The following PTPRT variants were observed in gnomAD, a reference collection of about 807,000 sequenced individuals.
PTPRT encodes receptor-type tyrosine-protein phosphatase T.
PTPRT carries 56 observed loss-of-function variants against 176.8 expected under a neutral mutation model. The ratio of observed to expected loss-of-function variants is 0.32; its 90% CI spans 0.26 to 0.40. The LOEUF is 0.40. Among genes scored for constraint, PTPRT ranks in the 10% least tolerant of loss-of-function variants. The pLI is 1.00. For missense variants in PTPRT, 1,540 were observed against 1,908.2 expected (o/e 0.81, Z 3.60); for synonymous variants, 783 against 739.0 (o/e 1.06, Z -0.96).
chr20:43,099,199 C>A (rs1415273544), intron 1 of PTPRT, among the ~76,000 whole-genome samples: 4 of 152,000 alleles, frequency 2.6e-5, no homozygotes, highest in Non-Finnish European at 5.9e-5. Context: ...TCCTCCTATA[C>A]CCCAGGTTCA....
chr20:42,217,263 C>G (rs1185342780), intron 15 of PTPRT, among the ~76,000 whole-genome samples: 1 of 151,848 alleles, frequency 6.6e-6, no homozygotes, highest in Non-Finnish European at 1.5e-5. Flanking sequence ...GTCCCAGCTA[C>G]TGGGGAGGCT....
chr20:42,942,824 A>G (rs1329889189), intron 1 of PTPRT, among the ~76,000 whole-genome samples: 2 of 152,236 alleles, frequency 1.3e-5, no homozygotes, highest in South Asian at 4.1e-4. Flanking sequence ...TAATACATGT[A>G]GAATATTTAG....
chr20:42,919,259 G>A (rs1412079307), intron 1 of PTPRT, among the ~76,000 whole-genome samples: 1 of 152,200 alleles, frequency 6.6e-6, no homozygotes, highest in Non-Finnish European at 1.5e-5. Flanking sequence ...ACTACTTGGG[G>A]CTTTGGGCTG....
At chr20:42,787,840 G>A (rs2077314160) in intron 3 of PTPRT, among the ~76,000 whole-genome samples, 1 of 152,164 alleles carries the variant, frequency 6.6e-6, no homozygotes, top group Non-Finnish European at 1.5e-5. Flanking sequence ...GTGAGTGTGT[G>A]TAAGTTTTGC....
At chr20:42,972,045 T>C (rs923100654) in intron 1 of PTPRT, among the ~76,000 whole-genome samples, 1 of 151,296 alleles carries the variant, frequency 6.6e-6, no homozygotes, top group Admixed American at 6.6e-5. Context: ...CGTGGTTATA[T>C]GACAGTGACT....
At chr20:42,189,917 C>T (rs1352551959) in intron 16 of PTPRT, among the ~76,000 whole-genome samples, 1 of 152,144 alleles carries the variant, frequency 6.6e-6, no homozygotes, top group African/African-American at 2.4e-5. Context: ...TAATTTAACT[C>T]CTTAGTGTTT....
chr20:42,393,021 G>A (rs1489344550), intron 9 of PTPRT, among the ~76,000 whole-genome samples: 23 of 152,262 alleles, frequency 1.5e-4, no homozygotes, highest in Admixed American at 1.5e-3. Flanking sequence ...TGGAAAAAGT[G>A]GGGATTGTCT....
At chr20:42,943,393 C>G (rs1200231433) in intron 1 of PTPRT, among the ~76,000 whole-genome samples, 1 of 152,196 alleles carries the variant, frequency 6.6e-6, no homozygotes, top group African/African-American at 2.4e-5. Flanking sequence ...GGGTCAGAAG[C>G]TTGTGCCCAA....
At chr20:42,932,547 C>G (rs990734505) in intron 1 of PTPRT, among the ~76,000 whole-genome samples, 1 of 152,178 alleles carries the variant, frequency 6.6e-6, no homozygotes, top group Non-Finnish European at 1.5e-5. Flanking sequence ...TGTCTCCCAC[C>G]CTAGGTAGCA....
chr20:42,575,252 G>A (rs958014383), intron 7 of PTPRT, among the ~76,000 whole-genome samples: 23 of 152,242 alleles, frequency 1.5e-4, no homozygotes, highest in African/African-American at 3.9e-4. Flanking sequence ...CCTGTGGCCC[G>A]GTGAAAGCAA....
At chr20:42,093,758 A>G (rs2146182466) in intron 27 of PTPRT, among the ~76,000 whole-genome samples, 1 of 152,342 alleles carries the variant, frequency 6.6e-6, no homozygotes, top group African/African-American at 2.4e-5. Context: ...CCTTGGCATG[A>G]GCACGCAGGC....
At chr20:42,603,021 T>G (rs2073810296) in intron 7 of PTPRT, among the ~76,000 whole-genome samples, 1 of 152,168 alleles carries the variant, frequency 6.6e-6, no homozygotes, top group Non-Finnish European at 1.5e-5. Flanking sequence ...CTCATTCATT[T>G]ATTCATTTAT....
chr20:42,195,512 C>T (rs1991178657), intron 16 of PTPRT, among the ~76,000 whole-genome samples: 1 of 92,024 alleles, frequency 1.1e-5, no homozygotes, highest in African/African-American at 5.6e-5. Flanking sequence ...AGTGGTTCCA[C>T]AGGGCATTTT....
intron 7 of PTPRT, among the ~76,000 whole-genome samples, chr20:42,668,264 T>C (rs1309204769): frequency 6.6e-6 from 1 of 152,210 alleles, no homozygotes; most frequent in Non-Finnish European, 1.5e-5. Context: ...CAGAAAAATC[T>C]AAAAGTGCAA....
chr20:43,130,143 A>G (rs904302498), intron 1 of PTPRT, among the ~76,000 whole-genome samples: 3 of 152,220 alleles, frequency 2.0e-5, no homozygotes, highest in Non-Finnish European at 4.4e-5. Context: ...ATGTGAGTGG[A>G]TAAGTGAATG....
At chr20:42,051,862 A>C in the PTPRT span, among the ~76,000 whole-genome samples, 3 of 152,168 alleles carry the variant, frequency 2.0e-5, no homozygotes, top group South Asian at 6.2e-4. Flanking sequence ...TCTGTTTTTG[A>C]GCGTCCACAT....
In PTPRT at chr20:42,706,191, G is replaced by C. The variant is rs945964723; in HGVS notation, c.860-28032C>G. ...TCTCTCTCTCTGTTTGTGTGTGTGT[G>C]TGTGTGTGTGTGTGTGTGTGTGTGT... On this transcript the variant is annotated intron_variant, in intron 6 of 30. Transcript: ENST00000373187. 4.0e-4 allele frequency among the ~76,000 whole-genome samples: 40 copies of C among 100,128 alleles called. No homozygotes were observed. In the East Asian group the frequency reaches 9.7e-3, roughly 24 times the overall value. 65.7% of individuals were successfully genotyped at this position (100,128 alleles called of 152,430 possible).
chr20:42,833,253 C>A (rs2078123454), intron 2 of PTPRT, among the ~76,000 whole-genome samples: 1 of 147,438 alleles, frequency 6.8e-6, no homozygotes, highest in Non-Finnish European at 1.5e-5. Context: ...TATGAAACCT[C>A]AAAACACTGA....
rs549689577 is a variant in PTPRT, at chr20:42,324,496, G to A, written c.1866-8500C>T. Among the ~76,000 whole-genome samples the A allele has an allele frequency of 3.9e-5, 6 of 152,186 alleles. No individual in the cohort carries two copies. The East Asian group carries it at 9.6e-4, about 24-fold the overall frequency. Reference sequence around the variant, plus strand: ...ACTAAAGAATTGTACACTTAACATAGGTAAATTTATGGTATGTAAATTATA... The same window carrying A: ...ACTAAAGAATTGTACACTTAACATAAGTAAATTTATGGTATGTAAATTATA... On this transcript the variant is annotated intron_variant, in intron 11 of 30. Transcript: ENST00000373187.
Sources: allele counts gnomAD v4.1 joint callset (sites outside exome capture counted in the v4.1 genomes callset), GRCh38; gene constraint gnomAD v4.1.1; transcripts MANE v1.5; gene names NCBI Gene and HGNC (gene_info 2026-07-23, HGNC 2026-07-21).